RPTOR: variants seen among roughly 807,000 people sequenced by gnomAD.
RPTOR encodes the protein regulatory associated protein of MTOR complex 1.
Under a neutral mutation model 169.9 loss-of-function variants are expected in RPTOR, and 21 were observed. The observed-to-expected ratio is 0.12, with a 90% confidence interval of 0.09 to 0.18. RPTOR has a LOEUF of 0.18. Among genes scored for constraint, RPTOR ranks in the 10% least tolerant of loss-of-function variants. The probability of loss-of-function intolerance (pLI) is 1.00; values close to 1 mark genes in which losing one functional copy is unlikely to be tolerated. For missense variants in RPTOR, 1,133 were observed against 1,855.9 expected, an observed-to-expected ratio of 0.61 and a Z score of 7.16; for synonymous variants, 732 against 753.2, an observed-to-expected ratio of 0.97 and a Z score of 0.46.
At chr17:80,816,426 A>C (rs1309892405) in intron 7 of RPTOR, among the ~76,000 whole-genome samples, 2 of 152,192 alleles carry the variant, frequency 1.3e-5, no homozygotes, top group Non-Finnish European at 2.9e-5. Context: ...GGGGACCAGC[A>C]GTGGAGAAGA....
At chr17:80,828,865 G>C (rs2067473342) in intron 9 of RPTOR, among the ~76,000 whole-genome samples, 1 of 152,154 alleles carries the variant, frequency 6.6e-6, no homozygotes, top group Admixed American at 6.5e-5. Context: ...GAAAATGTAA[G>C]CAGTCTTAAA....
intron 1 of RPTOR, chr17:80,593,821 T>C (rs926171282): frequency 6.6e-6 from 1 of 152,164 alleles, no homozygotes; most frequent in African/African-American, 2.4e-5. Context: ...GTAACAGGCT[T>C]TTTATTGTTA....
chr17:80,545,613 C>CA lies in RPTOR; in HGVS notation c.-16dup. The CA allele has an allele frequency of 6.3e-7, 1 of 1,597,232 alleles. No individual in the cohort carries two copies. Among genetic ancestry groups the CA allele is most frequent in the African/African-American group, 1.4e-5 (1 of 73,984 alleles). On this transcript the variant is annotated 5_prime_UTR_variant, in exon 1 of 34. Transcript: ENST00000306801. ...GAGCGCTTGCTGCCAAGGACTCCCCCACCCCCTCCCCCACTGATGGAGTCC... is the reference window on the plus strand; with the variant it reads ...GAGCGCTTGCTGCCAAGGACTCCCCCAACCCCCTCCCCCACTGATGGAGTCC...
chr17:80,724,597 G>A (rs146082177), intron 4 of RPTOR, among the ~76,000 whole-genome samples: 2,163 of 152,182 alleles, frequency 0.014, 22 homozygotes, highest in South Asian at 0.025. Flanking sequence ...CAACAGCGGC[G>A]AGGCCAGGTT....
rs151224656 is a variant in RPTOR at position 80,831,002 on chromosome 17, C to T, written c.1137-6920C>T. On this transcript the variant is annotated intron_variant, in intron 9 of 33. Coordinates refer to ENST00000306801, the MANE Select transcript of RPTOR (RefSeq NM_020761.3). ...TCAGACAATCCTCCCACCTTGGCCT[C>T]CCAAAGTGCTGGAATTAACAGGTGT... Among the ~76,000 whole-genome samples, 905 of 152,236 alleles carry T rather than the reference C, an allele frequency of 5.9e-3. 8 individuals carry two copies. Among genetic ancestry groups the T allele is most frequent in the African/African-American group, 0.02 (837 of 41,534 alleles).
intron 9 of RPTOR, 57 bp from the exon 10 acceptor site, chr17:80,837,865 G>C: frequency 2.6e-6 from 4 of 1,518,306 alleles, no homozygotes; most frequent in Non-Finnish European, 3.6e-6. Context: ...CTGTGAAGTG[G>C]CCTCGTGTGG....
chr17:80,872,948 G>T (rs1285704203), intron 13 of RPTOR, among the ~76,000 whole-genome samples: 1 of 152,244 alleles, frequency 6.6e-6, no homozygotes, highest in Non-Finnish European at 1.5e-5. Flanking sequence ...AGGGAGAGGG[G>T]ATGGGGAGCC....
intron 13 of RPTOR, 84 bp from the exon 14 acceptor site, chr17:80,880,331 C>T (rs2068172316): frequency 7.8e-6 from 9 of 1,153,238 alleles, no homozygotes; most frequent in Non-Finnish European, 1.2e-5. Flanking sequence ...AGTCCCTGCC[C>T]TTATTCGTTC....
chr17:80,938,984 G>A (rs149593112), intron 24 of RPTOR, among the ~76,000 whole-genome samples: 157 of 152,324 alleles, frequency 1.0e-3, no homozygotes, highest in African/African-American at 3.4e-3. Context: ...ACGCAAACAC[G>A]GCCATGCGCC....
At chr17:80,717,916 G>A (rs570671685) in intron 4 of RPTOR, among the ~76,000 whole-genome samples, 4 of 152,268 alleles carry the variant, frequency 2.6e-5, no homozygotes, top group Admixed American at 1.3e-4. Flanking sequence ...TTCACGTAGC[G>A]GAACGTTTAT....
chr17:80,649,772 C>G (rs373562911), intron 3 of RPTOR, among the ~76,000 whole-genome samples: 5 of 152,346 alleles, frequency 3.3e-5, no homozygotes, highest in African/African-American at 4.8e-5. Context: ...TGCTCTCCCA[C>G]TTCGTCTTCC....
intron 17 of RPTOR, among the ~76,000 whole-genome samples, chr17:80,890,428 G>A (rs1210843598): frequency 6.6e-6 from 1 of 152,182 alleles, no homozygotes; most frequent in East Asian, 1.9e-4. Context: ...GGTTTGCCAG[G>A]GGAGCCTGGG....
chr17:80,728,226 C>T (rs2066356994), intron 4 of RPTOR, among the ~76,000 whole-genome samples: 1 of 152,142 alleles, frequency 6.6e-6, no homozygotes, highest in South Asian at 2.1e-4. Context: ...TATATAGACA[C>T]ATCTAAAAAA....
intron 7 of RPTOR, among the ~76,000 whole-genome samples, chr17:80,806,780 C>T (rs778815483): frequency 2.0e-4 from 30 of 152,102 alleles, no homozygotes; most frequent in Non-Finnish European, 2.5e-4. Context: ...ATTGCTTATA[C>T]GTATATCTTT....
chr17:80,635,852 G>A (rs564187206), intron 2 of RPTOR, among the ~76,000 whole-genome samples: 1 of 152,144 alleles, frequency 6.6e-6, no homozygotes, highest in African/African-American at 2.4e-5. Context: ...TGGCCAGGAA[G>A]GTGAGGAGTG....
intron 9 of RPTOR, among the ~76,000 whole-genome samples, chr17:80,827,880 G>A (rs118003029): frequency 0.077 from 11,731 of 152,266 alleles, 614 homozygotes; most frequent in Middle Eastern, 0.16. Flanking sequence ...GCAAAGCTAC[G>A]ATTTTTACTA....
rs1017733879 is a variant in RPTOR at position 80,823,497 on chromosome 17, A to T, written c.1136+274A>T. ...TCACAGCTCTGCAACTCGGGAGGGTAGCACTTTGCAAGAGAGTTTCTAACC... is the reference window on the plus strand; with the variant it reads ...TCACAGCTCTGCAACTCGGGAGGGTTGCACTTTGCAAGAGAGTTTCTAACC... On this transcript the variant is annotated intron_variant, in intron 9 of 33. Transcript: ENST00000306801. The surrounding 1 kb of genome is among the most constrained non-coding windows in gnomAD (Gnocchi z 4.5). 1.7e-5 allele frequency: 6 copies of T among 348,708 alleles called. No individual in the cohort carries two copies. Among genetic ancestry groups the T allele is most frequent in the African/African-American group, 1.2e-4 (6 of 48,544 alleles). 21.6% of individuals were successfully genotyped at this position (348,708 alleles called of 1,614,324 possible). A position where few individuals can be genotyped will look rare whatever the true frequency, so the allele number is the denominator to read the frequency against.
intron 20 of RPTOR, among the ~76,000 whole-genome samples, chr17:80,905,181 T>G (rs74256872): frequency 3.2e-5 from 1 of 31,068 alleles, no homozygotes; most frequent in Non-Finnish European, 6.4e-5. Flanking sequence ...GCTCTCTTGT[T>G]TTTTTTTTTA....
At chr17:80,700,430 G>T (rs1049561935) in intron 3 of RPTOR, among the ~76,000 whole-genome samples, 1 of 93,298 alleles carries the variant, frequency 1.1e-5, no homozygotes, top group Non-Finnish European at 2.3e-5. Flanking sequence ...GGTGATGGTG[G>T]TGGTTATGAT....
Sources: allele counts gnomAD v4.1 joint callset (sites outside exome capture counted in the v4.1 genomes callset), GRCh38; gene constraint gnomAD v4.1.1; non-coding constraint Gnocchi (gnomAD v3.1); transcripts MANE v1.5; gene names NCBI Gene and HGNC (gene_info 2026-07-23, HGNC 2026-07-21).